ASCC1: variants seen among roughly 807,000 people sequenced by gnomAD.
ASCC1 encodes the protein ASC-1 complex subunit P50.
Under a neutral mutation model 46.6 loss-of-function variants are expected in ASCC1, and 35 were observed. The ratio of observed to expected loss-of-function variants is 0.75; its 90% CI spans 0.57 to 0.99. The LOEUF (loss-of-function observed/expected upper bound fraction) is 0.99. ASCC1 is among the 50% of genes least tolerant of loss of function. ASCC1 has a pLI of 0.00. For missense variants in ASCC1, 376 were observed against 428.7 expected (o/e 0.88, Z 1.09); for synonymous variants, 143 against 146.6 (o/e 0.98, Z 0.18).
intron 4 of ASCC1, chr10:72,198,591 G>C (rs1431466527): frequency 2.2e-6 from 1 of 455,602 alleles, no homozygotes; most frequent in Admixed American, 2.4e-5. Flanking sequence ...CATTGCCTGA[G>C]ATTTCAAAAC....
At chr10:72,105,240 A>G (rs1364389757) in intron 9 of ASCC1, among the ~76,000 whole-genome samples, 1 of 152,168 alleles carries the variant, frequency 6.6e-6, no homozygotes, top group Non-Finnish European at 1.5e-5. Flanking sequence ...AGCTGATCAC[A>G]CGCTGCTGTC....
At chr10:72,183,568 G>A (rs1412111959) in intron 5 of ASCC1, among the ~76,000 whole-genome samples, 5 of 152,048 alleles carry the variant, frequency 3.3e-5, no homozygotes, top group Admixed American at 3.3e-4. Context: ...AAGATTGCTT[G>A]AGCCCCAGAG....
intron 9 of ASCC1, among the ~76,000 whole-genome samples, chr10:72,124,960 C>A (rs1234914405): frequency 1.3e-5 from 2 of 152,072 alleles, no homozygotes; most frequent in Non-Finnish European, 2.9e-5. Context: ...TTTCTTAGGG[C>A]AAGACTTTCT....
intron 5 of ASCC1, among the ~76,000 whole-genome samples, chr10:72,191,688 C>T (rs1354125539): frequency 1.3e-5 from 2 of 151,876 alleles, no homozygotes; most frequent in Non-Finnish European, 2.9e-5. Flanking sequence ...CACTGGTTGC[C>T]CAGGCTACAG....
chr10:72,121,209 T>C (rs1011663602), intron 9 of ASCC1, among the ~76,000 whole-genome samples: 2 of 152,146 alleles, frequency 1.3e-5, no homozygotes, highest in Non-Finnish European at 2.9e-5. Context: ...AATGGTGCAA[T>C]CATAGCTCAC....
At chr10:72,126,360 T>C (rs1311140968) in intron 9 of ASCC1, among the ~76,000 whole-genome samples, 1 of 152,198 alleles carries the variant, frequency 6.6e-6, no homozygotes, top group Non-Finnish European at 1.5e-5. Flanking sequence ...ATTACTGATA[T>C]AGCAAGTCCT....
chr10:72,148,575 T>C (rs1295160889), intron 7 of ASCC1, among the ~76,000 whole-genome samples: 1 of 152,206 alleles, frequency 6.6e-6, no homozygotes, highest in Non-Finnish European at 1.5e-5. Context: ...TTTTGGAAAA[T>C]GTGTATCTGC....
At chr10:72,101,851 G>A (rs575635855) in intron 9 of ASCC1, among the ~76,000 whole-genome samples, 25 of 152,246 alleles carry the variant, frequency 1.6e-4, no homozygotes, top group African/African-American at 5.8e-4. Context: ...CAGGCAGTGG[G>A]CTTGGAAAGA....
chr10:72,190,564 C>T, intron 5 of ASCC1: 2 of 1,392,664 alleles, frequency 1.4e-6, no homozygotes, highest in Non-Finnish European at 2.0e-6. Context: ...TCCAGCTCCA[C>T]CATTATCGCT....
At chr10:72,154,492 G>GGTTT (rs1336045130) in intron 6 of ASCC1, among the ~76,000 whole-genome samples, 1 of 150,586 alleles carries the variant, frequency 6.6e-6, no homozygotes, top group African/African-American at 2.5e-5. Context: ...TTATGCATAG[G>GGTTT]GTTTTTTTTT....
At chr10:72,112,878 CAA>C (rs60754683) in intron 9 of ASCC1, among the ~76,000 whole-genome samples, 33,883 of 82,548 alleles carry the variant, frequency 0.41, 4,189 homozygotes, top group African/African-American at 0.47. Context: ...ACTCTGCCTC[CAA>C]AAAAAAAAAA....
rs1841165066 is a variant in ASCC1, at chr10:72,097,030, T to C, written c.*304A>G. ...GTATTAACAGTTAACGTTACTGAAC[T>C]GTGCACTTAAAAATGGTGAAGACAG... On this transcript the variant is annotated 3_prime_UTR_variant, in exon 10 of 10. Coordinates refer to ENST00000672957, the MANE Select transcript of ASCC1 (RefSeq NM_001198800.3). The C allele has an allele frequency of 2.1e-6, 1 of 467,582 alleles. No homozygotes were observed. Among genetic ancestry groups the C allele is most frequent in the African/African-American group, 2.0e-5 (1 of 50,678 alleles). 29.0% of individuals were successfully genotyped at this position (467,582 alleles called of 1,614,324 possible). A position where few individuals can be genotyped will look rare whatever the true frequency, so the allele number is the denominator to read the frequency against.
At chr10:72,107,530 T>A (rs1276417395) in intron 9 of ASCC1, among the ~76,000 whole-genome samples, 1 of 152,142 alleles carries the variant, frequency 6.6e-6, no homozygotes, top group African/African-American at 2.4e-5. Flanking sequence ...ACTTTAAAAA[T>A]ACTCACATGG....
intron 6 of ASCC1, among the ~76,000 whole-genome samples, chr10:72,153,944 C>G (rs1848663990): frequency 1.3e-5 from 2 of 151,906 alleles, no homozygotes; most frequent in African/African-American, 4.8e-5. Context: ...GTGGTCTTAA[C>G]TCCAGACCTC....
intron 5 of ASCC1, chr10:72,190,638 C>G: frequency 1.2e-6 from 1 of 803,406 alleles, no homozygotes; most frequent in Non-Finnish European, 1.9e-6. Flanking sequence ...TGTGTGCTTA[C>G]AGGTGTTATT....
intron 9 of ASCC1, among the ~76,000 whole-genome samples, chr10:72,105,897 T>C (rs1208482834): frequency 6.6e-6 from 1 of 152,050 alleles, no homozygotes; most frequent in Non-Finnish European, 1.5e-5. Flanking sequence ...GCTGCCAAAA[T>C]GAAACTGGCA....
chr10:72,210,786 T>TC lies in ASCC1; in HGVS notation c.157dup (p.Glu53GlyfsTer19), dbSNP rs753324947. ...AGACCGGAATCCTTGTGGGGTCTGC[T>TC]CCACCTCGTAGGCATCACAGGGCTC... On this transcript the variant is annotated frameshift_variant, in exon 3 of 10. Coordinates refer to ENST00000672957, the MANE Select transcript of ASCC1 (RefSeq NM_001198800.3). LOFTEE classifies it high-confidence loss of function. 2.4e-5 allele frequency: 39 copies of TC among 1,613,902 alleles called. No individual in the cohort carries two copies. The highest frequency in any genetic ancestry group is 8.3e-5 in the Admixed American group (5 of 59,966).
rs548373867 is a variant in ASCC1 at position 72,104,933 on chromosome 10, G to C, written c.958-7483C>G. On this transcript the variant is annotated intron_variant, in intron 9 of 9. Transcript: ENST00000672957. ...AGAGGGATGGCTGGACTCCAGAGGA[G>C]AGATGGCTTGACTTCCGGGAAGAGC... 3.9e-5 allele frequency among the ~76,000 whole-genome samples: 6 copies of C among 152,254 alleles called. 1 individual carries two copies. The East Asian group carries it at 1.2e-3, about 29-fold the overall frequency.
chr10:72,109,104 T>C (rs980447285), intron 9 of ASCC1, among the ~76,000 whole-genome samples: 6 of 152,158 alleles, frequency 3.9e-5, no homozygotes, highest in East Asian at 1.9e-4. Flanking sequence ...AATATTATAG[T>C]AGCTAATAAT....
Sources: gnomAD v4.1 joint callset for allele counts (sites outside exome capture counted in the v4.1 genomes callset) on GRCh38, gnomAD v4.1.1 for gene constraint, MANE v1.5 for transcripts, NCBI Gene and HGNC (gene_info 2026-07-23, HGNC 2026-07-21) for gene names.